TRPM5: variants seen among roughly 807,000 people sequenced by gnomAD.
TRPM5 encodes the protein transient receptor potential cation channel subfamily M member 5.
Under a neutral mutation model 124.9 loss-of-function variants are expected in TRPM5, and 121 were observed. That is an observed-to-expected ratio of 0.97 (90% CI 0.84 to 1.13). The LOEUF (loss-of-function observed/expected upper bound fraction) is 1.13. Among genes scored for constraint, TRPM5 ranks in the 50% most tolerant of loss-of-function variants. TRPM5 has a pLI of 0.00. For synonymous variants in TRPM5, 781 were observed against 700.5 expected (o/e 1.11, Z -1.81); for missense variants, 1,643 against 1,589.1 (o/e 1.03, Z -0.58).
the TRPM5 span, among the ~76,000 whole-genome samples, chr11:2,433,378 G>A: frequency 1.1e-4 from 16 of 152,364 alleles, no homozygotes; most frequent in Non-Finnish European, 2.2e-4. Context: ...CTTAGTGTGC[G>A]CAAGGGCTGC....
the TRPM5 span, among the ~76,000 whole-genome samples, chr11:2,440,443 G>A: frequency 6.6e-6 from 1 of 152,136 alleles, no homozygotes; most frequent in Non-Finnish European, 1.5e-5. The surrounding 1 kb of genome is among the most constrained non-coding windows in gnomAD (Gnocchi z 5.2). Context: ...AGGAATACAG[G>A]GTGGTGGCTC....
chr11:2,410,358 C>G (rs1171499991), intron 18 of TRPM5, among the ~76,000 whole-genome samples: 1 of 152,216 alleles, frequency 6.6e-6, no homozygotes, highest in Non-Finnish European at 1.5e-5. Flanking sequence ...AGGTCGGGGT[C>G]AGGCCTGGGC....
intron 18 of TRPM5, among the ~76,000 whole-genome samples, chr11:2,410,008 C>G (rs552362559): frequency 6.6e-6 from 1 of 152,252 alleles, no homozygotes; most frequent in African/African-American, 2.4e-5. Context: ...CCCAACCCTG[C>G]CCTGGCTGGA....
At chr11:2,422,733 G>A (rs2133536960) in intron 1 of TRPM5, among the ~76,000 whole-genome samples, 187 bp downstream of exon 6, 1 of 152,132 alleles carries the variant, frequency 6.6e-6, no homozygotes, top group African/African-American at 2.4e-5. Context: ...AGGGAGGTAG[G>A]AGGCCGGCCA....
At position 2,420,410 on chromosome 11, in the gene TRPM5, G is replaced by T. The variant is rs754488692; in HGVS notation, c.466-5C>A. ...GTAGTGGACAGGAAAATCCTCCTGC[G>T]CCCATGCAGGGAGACGAGGCTGAGC... On this transcript the variant is annotated splice_polypyrimidine_tract_variant and splice_region_variant and intron_variant, in intron 3 of 23. Transcript: ENST00000155858. 6.2e-7 allele frequency: 1 copy of T among 1,602,334 alleles called. No homozygotes were observed. Among genetic ancestry groups the T allele is most frequent in the Admixed American group, 1.7e-5 (1 of 59,608 alleles).
upstream of TRPM5, among the ~76,000 whole-genome samples, chr11:2,423,631 T>C (rs1589877030): frequency 6.6e-6 from 1 of 152,134 alleles, no homozygotes. Context: ...GAGGAGGCCT[T>C]GCCCCGGCCC....
chr11:2,413,303 CA>C, intron 13 of TRPM5, 77 bp from the exon 19 acceptor site: 1 of 1,415,618 alleles, frequency 7.1e-7, no homozygotes, highest in South Asian at 1.4e-5. Flanking sequence ...GCTTGGCCAT[CA>C]AAGTGCCCAC....
In TRPM5 at chr11:2,407,748, G is replaced by A. The variant is rs1850352538; in HGVS notation, c.2936+11C>T. The A allele has an allele frequency of 6.2e-7, 1 of 1,612,824 alleles. No homozygotes were observed. The highest frequency in any genetic ancestry group is 1.7e-5 in the Admixed American group (1 of 59,982). ...CCAGGGCTCTCTCCTCCAGGGGTTG[G>A]GTGGAGTCACCTGAACATGGCGATG... On this transcript the variant is annotated intron_variant, in intron 19 of 23. Transcript: ENST00000155858.
the TRPM5 span, among the ~76,000 whole-genome samples, chr11:2,433,892 C>T: frequency 2.6e-5 from 4 of 151,584 alleles, no homozygotes; most frequent in Admixed American, 6.6e-5. Context: ...CTGTGTGACA[C>T]TGTATATGAG....
the TRPM5 span, among the ~76,000 whole-genome samples, chr11:2,438,811 A>G: frequency 8.1e-4 from 123 of 152,354 alleles, no homozygotes; most frequent in Non-Finnish European, 1.5e-3. This position sits in a 1 kb window ranked among gnomAD's most constrained non-coding sequence, Gnocchi z 5.9. Flanking sequence ...CATTTTTCAC[A>G]GAATTAGAAA....
exon 23 of TRPM5, chr11:2,405,531 G>A: frequency 6.4e-7 from 1 of 1,559,588 alleles, no homozygotes. Context: ...GCTTACTCCG[G>A]GGGCCGCCAC....
chr11:2,444,096 C>G, the TRPM5 span, among the ~76,000 whole-genome samples: 2 of 151,786 alleles, frequency 1.3e-5, no homozygotes, highest in South Asian at 4.2e-4. Context: ...CCGGCTGTGC[C>G]GCCCCCACCC....
chr11:2,406,705 C>G (rs760578660), exon 21 of TRPM5: 4 of 1,613,492 alleles, frequency 2.5e-6, no homozygotes, highest in Non-Finnish European at 3.4e-6. Context: ...TGTCCCTCCT[C>G]CGCTTCTCCA....
At position 2,421,025 on chromosome 11, in the gene TRPM5, C is replaced by T. The variant is rs1001462612; in HGVS notation, c.465+7G>A. On this transcript the variant is annotated splice_region_variant and intron_variant, in intron 3 of 23. Coordinates refer to ENST00000155858, the Ensembl canonical transcript of TRPM5. ...AGCGGTCGTGGTGCTGGGAGCTGGA[C>T]GTGCACCTGGGCCTCCTCCAGAATG... The T allele has an allele frequency of 1.2e-5, 18 of 1,536,366 alleles. No homozygotes were observed. The highest frequency in any genetic ancestry group is 4.0e-5 in the Admixed American group (2 of 50,372).
the TRPM5 span, among the ~76,000 whole-genome samples, chr11:2,443,856 C>A: frequency 6.7e-6 from 1 of 148,968 alleles, no homozygotes; most frequent in Non-Finnish European, 1.5e-5. The surrounding 1 kb of genome is among the most constrained non-coding windows in gnomAD (Gnocchi z 5.0). Flanking sequence ...TGCTGAGACC[C>A]AAATGCCAGT....
chr11:2,405,065 C>T, intron 23 of TRPM5, 22 bp from the exon 29 acceptor site: 3 of 1,603,206 alleles, frequency 1.9e-6, no homozygotes, highest in Non-Finnish European at 2.6e-6. Context: ...GAAGGCCCCC[C>T]TGAGCGGTGG....
intron 10 of TRPM5, 30 bp from the exon 16 acceptor site, chr11:2,414,868 C>G (rs1850533739): frequency 3.1e-6 from 5 of 1,592,126 alleles, no homozygotes; most frequent in Non-Finnish European, 4.3e-6. Flanking sequence ...GAGGCCGCCC[C>G]TCCCCTGCCC....
rs749819838 is a variant in TRPM5 at position 2,414,226 on chromosome 11, C to A, written c.1745-20G>T. The A allele has an allele frequency of 1.1e-5, 18 of 1,601,398 alleles. No homozygotes were observed. Among genetic ancestry groups the A allele is most frequent in the Non-Finnish European group, 1.4e-5 (17 of 1,174,412 alleles). On this transcript the variant is annotated intron_variant, in intron 11 of 23. Coordinates refer to ENST00000155858, the Ensembl canonical transcript of TRPM5. ...AGAGGTCTGCCCCCGGAGGCCCTGG[C>A]CGCTAGGACGAGACGCCGATGCCCG...
At chr11:2,414,229 C>A in intron 11 of TRPM5, 23 bp from the exon 17 acceptor site, 3 of 1,600,606 alleles carry the variant, frequency 1.9e-6, no homozygotes, top group Non-Finnish European at 2.6e-6. Flanking sequence ...GCCCTGGCCG[C>A]TAGGACGAGA....
Sources: allele counts gnomAD v4.1 joint callset (sites outside exome capture counted in the v4.1 genomes callset), GRCh38; gene constraint gnomAD v4.1.1; non-coding constraint Gnocchi (gnomAD v3.1); transcripts MANE v1.5; gene names NCBI Gene and HGNC (gene_info 2026-07-23, HGNC 2026-07-21).